Variants in ABCB8 observed in about 807,000 individuals in gnomAD.
ABCB8 encodes the protein ATP binding cassette subfamily B member 8.
A neutral mutation model predicts 73.0 loss-of-function variants in ABCB8; 52 were observed. The ratio of observed to expected loss-of-function variants is 0.71; its 90% confidence interval spans 0.57 to 0.90. ABCB8 has a LOEUF of 0.90. ABCB8 is among the 40% of genes least tolerant of loss of function. The pLI is 0.00. For missense variants in ABCB8, 909 were observed against 974.6 expected (o/e 0.93, Z 0.90); for synonymous variants, 428 against 423.5 (o/e 1.01, Z -0.13).
Position 151,031,108 on chromosome 7 carries a change from G to A in ABCB8, c.96-2497G>A, listed in dbSNP as rs541706946. 37 of 591,930 alleles carry A rather than the reference G, an allele frequency of 6.3e-5. No individual in the cohort carries two copies. In the South Asian group the frequency reaches 8.0e-4, roughly 13 times the overall value. 36.7% of individuals were successfully genotyped at this position (591,930 alleles called of 1,614,324 possible). ...GTCTAAACATTTGCAAAACCCTGTAGTAGTTAGGTCAGATTGTCCTGCACC... is the reference window on the plus strand; with the variant it reads ...GTCTAAACATTTGCAAAACCCTGTAATAGTTAGGTCAGATTGTCCTGCACC... On this transcript the variant is annotated intron_variant, in intron 1 of 15. Transcript: ENST00000358849.
intron 1 of ABCB8, chr7:151,031,233 C>T (rs1256278503): frequency 6.7e-7 from 1 of 1,501,732 alleles, no homozygotes; most frequent in Non-Finnish European, 9.0e-7. Flanking sequence ...TAATTTCCTG[C>T]CTTTCAGAAA....
At chr7:151,031,381 C>T (rs1055910536) in intron 1 of ABCB8, 10 of 1,475,974 alleles carry the variant, frequency 6.8e-6, no homozygotes, top group Non-Finnish European at 9.0e-6. Flanking sequence ...GGGAGAAGGC[C>T]TCATGTAGGC....
At chr7:151,031,229 C>T (rs1484060578) in intron 1 of ABCB8, 2 of 1,486,654 alleles carry the variant, frequency 1.3e-6, no homozygotes, top group South Asian at 1.2e-5. Context: ...GATATAATTT[C>T]CTGCCTTTCA....
chr7:151,043,041 C>T (rs1055798224), intron 14 of ABCB8, among the ~76,000 whole-genome samples: 3 of 152,242 alleles, frequency 2.0e-5, no homozygotes, highest in Non-Finnish European at 4.4e-5. Context: ...TTCTTTTTGG[C>T]TCCCAGGCTG....
chr7:151,031,330 G>T (rs1193319382), intron 1 of ABCB8: 2 of 1,530,062 alleles, frequency 1.3e-6, no homozygotes, highest in Non-Finnish European at 8.8e-7. Flanking sequence ...CAAGAACACA[G>T]TGGAAAACAA....
chr7:151,029,367 A>G (rs906257728), intron 1 of ABCB8, among the ~76,000 whole-genome samples: 1 of 151,898 alleles, frequency 6.6e-6, no homozygotes, highest in Non-Finnish European at 1.5e-5. Flanking sequence ...AACACTCTAC[A>G]CAGGTTGGTC....
chr7:151,037,014 TCA>T (rs1796328607), intron 9 of ABCB8: 4 of 687,130 alleles, frequency 5.8e-6, no homozygotes, highest in Admixed American at 2.0e-5. Context: ...GTGGGTGCAC[TCA>T]CATTGCTGTG....
intron 13 of ABCB8, among the ~76,000 whole-genome samples, chr7:151,041,666 G>T (rs1052348042): frequency 2.0e-5 from 3 of 152,154 alleles, no homozygotes; most frequent in Non-Finnish European, 4.4e-5. Flanking sequence ...GAGAGTGCCT[G>T]TGCAGAAGAA....
Position 151,035,893 on chromosome 7 carries a change from A to G in ABCB8, c.939A>G (p.Ala313=). The part of the protein sequence containing the change: ...SRQCQEQIAR[A]MGVADEALGN... The stretch of plus-strand genomic sequence containing the variant: ...TGGACTCCTTGCAGATCGCCAGGGC[A>G]ATGGGCGTAGCAGACGAGGCCCTGG... The change falls in exon 7 of 16, where the codon GCA becomes GCG. Residue 313 remains alanine (A), a synonymous_variant. Transcript: ENST00000358849. 6.2e-7 allele frequency: 1 copy of G among 1,613,486 alleles called. No homozygotes were observed. The highest frequency in any genetic ancestry group is 8.5e-7 in the Non-Finnish European group (1 of 1,180,024).
intron 9 of ABCB8, chr7:151,037,569 A>C: frequency 1.9e-6 from 1 of 535,430 alleles, no homozygotes; most frequent in South Asian, 2.0e-5. Flanking sequence ...ATGAGATAGT[A>C]AATATGCTGT....
chr7:151,028,855 C>T (rs759278072), intron 1 of ABCB8: 7 of 1,542,850 alleles, frequency 4.5e-6, no homozygotes, highest in Non-Finnish European at 6.1e-6. Flanking sequence ...CGCTCGGGGT[C>T]AGTGACCACG....
intron 5 of ABCB8, among the ~76,000 whole-genome samples, chr7:151,035,118 A>C (rs1796267581): frequency 6.6e-6 from 1 of 152,208 alleles, no homozygotes; most frequent in Admixed American, 6.5e-5. Context: ...GGCAAGAGCA[A>C]AATCACTTCG....
chr7:151,043,668 G>A (rs1386132497), intron 14 of ABCB8, among the ~76,000 whole-genome samples: 3 of 145,358 alleles, frequency 2.1e-5, no homozygotes, highest in Non-Finnish European at 3.0e-5. Flanking sequence ...ACAGTGCGGG[G>A]TAGAGGGTCA....
At chr7:151,034,244 C>T (rs760524744) in intron 2 of ABCB8, 29 bp from the exon 3 acceptor site, 1 of 1,593,856 alleles carries the variant, frequency 6.3e-7, no homozygotes, top group Non-Finnish European at 8.5e-7. Context: ...CCACTTAAAA[C>T]ATTTGTGCCC....
chr7:151,032,853 G>A (rs1055459596), intron 1 of ABCB8: 5 of 361,140 alleles, frequency 1.4e-5, no homozygotes, highest in African/African-American at 1.1e-4. Flanking sequence ...GCTGTGGAGA[G>A]GGAGTGTGTG....
At chr7:151,037,128 C>G (rs752973998) in intron 9 of ABCB8, 2 of 702,338 alleles carry the variant, frequency 2.8e-6, no homozygotes, top group Admixed American at 4.0e-5. Flanking sequence ...CCCCTGGCAC[C>G]CACCATTCCA....
chr7:151,028,798 C>T (rs1444408562), intron 1 of ABCB8, 188 bp downstream of exon 1: 1 of 1,549,538 alleles, frequency 6.5e-7, no homozygotes, highest in Non-Finnish European at 8.7e-7. Flanking sequence ...CAGTCGCCAG[C>T]AGGAGGCTCC....
intron 9 of ABCB8, chr7:151,039,972 G>A: frequency 5.0e-6 from 2 of 403,006 alleles, no homozygotes; most frequent in Non-Finnish European, 9.0e-6. Flanking sequence ...GGCACTGGAG[G>A]ACACCCACAG....
In ABCB8 at chr7:151,036,115, G is replaced by A; in HGVS notation, c.1056G>A (p.Glu352=). Residue 352 remains glutamate, a synonymous_variant, in exon 8 of 16, where the codon GAG becomes GAA. Transcript: ENST00000358849. ...TGGAAGCCTGCCGCTGCCGGGCAGA[G>A]GAGCTGGGCCGCGGCATCGCCTTGT... ...AELEACRCRA[E]ELGRGIALFQ... is the part of the protein sequence containing the mutation. 1 of 1,613,570 alleles carries A rather than the reference G, an allele frequency of 6.2e-7. No individual in the cohort carries two copies. The highest frequency in any genetic ancestry group is 8.5e-7 in the Non-Finnish European group (1 of 1,180,016).
Sources: allele counts gnomAD v4.1 joint callset (sites outside exome capture counted in the v4.1 genomes callset), GRCh38; gene constraint gnomAD v4.1.1; transcripts MANE v1.5; gene names NCBI Gene and HGNC (gene_info 2026-07-23, HGNC 2026-07-21).